The following ENTREP2 variants were observed in gnomAD, a reference collection of about 807,000 sequenced individuals.
The protein encoded by ENTREP2 is endosomal transmembrane epsin interactor 2, also known as protein ENTREP2.
At chr15:29,658,516 C>T in the ENTREP2 span, among the ~76,000 whole-genome samples, 3 of 152,050 alleles carry the variant, frequency 2.0e-5, no homozygotes, top group African/African-American at 7.2e-5. Context: ...ATAGAATCAT[C>T]GTGTATCTTG....
chr15:29,363,166 T>TA, the ENTREP2 span, among the ~76,000 whole-genome samples: 11 of 150,938 alleles, frequency 7.3e-5, no homozygotes, highest in African/African-American at 1.7e-4. Context: ...TACATTCTCT[T>TA]AAAAAAAAAG....
the ENTREP2 span, among the ~76,000 whole-genome samples, chr15:29,125,058 C>T: frequency 6.6e-6 from 1 of 152,150 alleles, no homozygotes; most frequent in African/African-American, 2.4e-5. Context: ...GCTCCAGGCA[C>T]CCTGGAAGGC....
the ENTREP2 span, among the ~76,000 whole-genome samples, chr15:29,549,033 T>C: frequency 6.6e-6 from 1 of 152,196 alleles, no homozygotes; most frequent in Non-Finnish European, 1.5e-5. Context: ...TCCAGTTAAC[T>C]GCAGGCAGCA....
chr15:29,431,838 C>T, the ENTREP2 span, among the ~76,000 whole-genome samples: 2 of 152,208 alleles, frequency 1.3e-5, no homozygotes, highest in Non-Finnish European at 2.9e-5. Flanking sequence ...CCATTTGCCT[C>T]TCACTCCAGG....
the ENTREP2 span, among the ~76,000 whole-genome samples, chr15:29,632,088 T>C: frequency 1.3e-5 from 2 of 152,230 alleles, no homozygotes; most frequent in African/African-American, 2.4e-5. Flanking sequence ...TCAAGCTTTA[T>C]TTTCCATCTG....
chr15:29,191,176 C>T, the ENTREP2 span, among the ~76,000 whole-genome samples: 2 of 152,106 alleles, frequency 1.3e-5, no homozygotes, highest in Non-Finnish European at 2.9e-5. Flanking sequence ...AAAATGACTG[C>T]ACCACTAATT....
chr15:29,296,772 G>A, the ENTREP2 span, among the ~76,000 whole-genome samples: 1 of 152,142 alleles, frequency 6.6e-6, no homozygotes. Flanking sequence ...GCATCCATCA[G>A]GGAGAGAATT....
chr15:29,439,284 TACACACACACACAC>T, the ENTREP2 span, among the ~76,000 whole-genome samples: 17 of 97,142 alleles, frequency 1.8e-4, no homozygotes, highest in Admixed American at 6.0e-4. Context: ...AAATTGGAAT[TACACACACACACAC>T]ACACACACAC....
chr15:29,272,334 G>A, the ENTREP2 span, among the ~76,000 whole-genome samples: 1 of 152,140 alleles, frequency 6.6e-6, no homozygotes, highest in Non-Finnish European at 1.5e-5. Context: ...ACCGACAACA[G>A]CCAATGATTA....
the ENTREP2 span, among the ~76,000 whole-genome samples, chr15:29,278,364 T>G: frequency 8.8e-3 from 1,335 of 152,360 alleles, 6 homozygotes; most frequent in Non-Finnish European, 0.014. Flanking sequence ...GGGTCTGTGC[T>G]GGCAGAAGCC....
chr15:29,375,142 G>A, the ENTREP2 span: 1 of 152,076 alleles, frequency 6.6e-6, no homozygotes, highest in Non-Finnish European at 1.5e-5. Flanking sequence ...ATATCTGTTA[G>A]GCAGAACTGG....
the ENTREP2 span, chr15:29,126,525 G>A: frequency 2.3e-5 from 35 of 1,533,754 alleles, no homozygotes; most frequent in African/African-American, 2.8e-5. Flanking sequence ...TAGAGTGGGC[G>A]GCCGCAGGGG....
chr15:29,469,431 C>T, the ENTREP2 span, among the ~76,000 whole-genome samples: 1 of 152,188 alleles, frequency 6.6e-6, no homozygotes, highest in East Asian at 1.9e-4. Context: ...AACTACTGAC[C>T]TCCAGTGATC....
the ENTREP2 span, among the ~76,000 whole-genome samples, chr15:29,430,441 G>C: frequency 1.3e-5 from 2 of 152,112 alleles, no homozygotes; most frequent in Non-Finnish European, 2.9e-5. Context: ...AGTATCTCCA[G>C]CTCCCAGCAC....
At chr15:29,362,017 C>A in the ENTREP2 span, among the ~76,000 whole-genome samples, 1 of 152,140 alleles carries the variant, frequency 6.6e-6, no homozygotes, top group African/African-American at 2.4e-5. Flanking sequence ...CCAACAGACA[C>A]GGATCACAGG....
the ENTREP2 span, among the ~76,000 whole-genome samples, chr15:29,385,658 A>C: frequency 5.9e-5 from 9 of 152,128 alleles, no homozygotes; most frequent in African/African-American, 2.2e-4. Flanking sequence ...AGCCTTGTGA[A>C]ACCTGGCCAG....
At chr15:29,251,438 C>T in the ENTREP2 span, among the ~76,000 whole-genome samples, 3 of 152,234 alleles carry the variant, frequency 2.0e-5, no homozygotes, top group Non-Finnish European at 4.4e-5. Flanking sequence ...ACAACAAGCT[C>T]GTCCAACCCA....
the ENTREP2 span, among the ~76,000 whole-genome samples, chr15:29,595,932 T>G: frequency 5.9e-5 from 9 of 152,132 alleles, no homozygotes; most frequent in Admixed American, 4.6e-4. Context: ...TTCGTTATTT[T>G]CTGGCACTAA....
chr15:29,630,495 T>C, the ENTREP2 span, among the ~76,000 whole-genome samples: 1 of 152,166 alleles, frequency 6.6e-6, no homozygotes, highest in Non-Finnish European at 1.5e-5. Context: ...TCACTTAGCT[T>C]TTTGAATCTA....
Sources: allele counts gnomAD v4.1 joint callset (sites outside exome capture counted in the v4.1 genomes callset), GRCh38; gene constraint gnomAD v4.1.1; transcripts MANE v1.5; gene names NCBI Gene and HGNC (gene_info 2026-07-23, HGNC 2026-07-21).